Variants in C6 observed in about 807,000 individuals in gnomAD.
C6 encodes complement component C6.
A neutral mutation model predicts 112.9 loss-of-function variants in C6; 101 were observed. The ratio of observed to expected loss-of-function variants is 0.89; its 90% CI spans 0.76 to 1.06. The LOEUF (loss-of-function observed/expected upper bound fraction) is 1.06. Among genes scored for constraint, C6 ranks in the 50% least tolerant of loss-of-function variants. The probability of loss-of-function intolerance (pLI) is 0.00; values close to 1 mark genes in which losing one functional copy is unlikely to be tolerated. For synonymous variants in C6, 431 were observed against 384.1 expected, an observed-to-expected ratio of 1.12 and a Z score of -1.43; for missense variants, 1,202 against 1,104.6, an observed-to-expected ratio of 1.09 and a Z score of -1.25.
At chr5:41,223,961 A>G (rs1185271623) in intron 1 of C6, among the ~76,000 whole-genome samples, 2 of 152,138 alleles carry the variant, frequency 1.3e-5, no homozygotes, top group African/African-American at 2.4e-5. Flanking sequence ...ATAAAAGCAA[A>G]TTATGTTTAG....
chr5:41,238,730 A>G (rs1324441452), intron 1 of C6, among the ~76,000 whole-genome samples: 4 of 152,356 alleles, frequency 2.6e-5, no homozygotes, highest in African/African-American at 9.6e-5. Context: ...AAGTAGAATT[A>G]GAAAGATAAA....
intron 3 of C6, among the ~76,000 whole-genome samples, chr5:41,200,904 T>G (rs1287226815): frequency 2.6e-4 from 37 of 144,596 alleles, no homozygotes; most frequent in African/African-American, 8.6e-4. Context: ...TTTTTTTTTT[T>G]TTTTTTTTTT....
At chr5:41,180,698 A>C (rs1178600151) in intron 7 of C6, among the ~76,000 whole-genome samples, 1 of 152,126 alleles carries the variant, frequency 6.6e-6, no homozygotes, top group Non-Finnish European at 1.5e-5. Flanking sequence ...CAATTGAATA[A>C]CATCTACTAT....
intron 1 of C6, among the ~76,000 whole-genome samples, chr5:41,230,867 A>G (rs1739855667): frequency 6.6e-6 from 1 of 152,184 alleles, no homozygotes; most frequent in African/African-American, 2.4e-5. Flanking sequence ...TAGAGAAAAT[A>G]GAAAAGAACC....
chr5:41,182,407 A>G (rs1273821004), intron 6 of C6, among the ~76,000 whole-genome samples: 1 of 152,094 alleles, frequency 6.6e-6, no homozygotes, highest in Non-Finnish European at 1.5e-5. Context: ...ACATCTTAGT[A>G]TTGATATTGC....
chr5:41,159,457 G>A, intron 11 of C6: 1 of 985,050 alleles, frequency 1.0e-6, no homozygotes, highest in Non-Finnish European at 1.2e-6. Flanking sequence ...GTTCCCATAA[G>A]CCTAAATAAA....
chr5:41,233,713 GA>G (rs1425697302), intron 1 of C6, among the ~76,000 whole-genome samples: 2 of 151,906 alleles, frequency 1.3e-5, no homozygotes, highest in African/African-American at 4.8e-5. Flanking sequence ...TAAGAGCTGA[GA>G]ATAAAAAAGA....
chr5:41,195,386 C>T (rs1195609127), intron 5 of C6, among the ~76,000 whole-genome samples: 2 of 152,164 alleles, frequency 1.3e-5, no homozygotes, highest in African/African-American at 4.8e-5. Context: ...ATCACACCCT[C>T]TTTCTCCATT....
At chr5:41,234,353 T>TTTG (rs1740108716) in intron 1 of C6, among the ~76,000 whole-genome samples, 4 of 138,762 alleles carry the variant, frequency 2.9e-5, no homozygotes, top group African/African-American at 1.3e-4. Context: ...TTTTTTTGTT[T>TTTG]TTTGTTTTTT....
At position 41,181,365 on chromosome 5, in the gene C6, G is replaced by A; in HGVS notation, c.921C>T (p.His307=). The A allele has an allele frequency of 1.2e-6, 2 of 1,613,402 alleles. No individual in the cohort carries two copies. Among genetic ancestry groups the A allele is most frequent in the East Asian group, 2.2e-5 (1 of 44,792 alleles). Residue 307 remains histidine, a synonymous_variant, in exon 7 of 18, where the codon CAC becomes CAT. Coordinates refer to ENST00000337836, the MANE Select transcript of C6 (RefSeq NM_000065.5). ...TGGAAACCATTTTTGATACCTTTTT[G>A]TGAGAGGCTTGAATGGCTTGTTTGA... is the stretch of plus-strand genomic sequence containing the variant. The part of the protein sequence containing the change: ...SAFKQAIQAS[H]KKDSSFIRIH...
chr5:41,208,363 C>G (rs1177001806), intron 1 of C6, among the ~76,000 whole-genome samples: 2 of 152,116 alleles, frequency 1.3e-5, no homozygotes, highest in Non-Finnish European at 2.9e-5. Flanking sequence ...CAAGAAATAA[C>G]TAAGATCAGA....
intron 1 of C6, among the ~76,000 whole-genome samples, chr5:41,209,444 G>C (rs9800055): frequency 0.11 from 16,409 of 152,216 alleles, 867 homozygotes; most frequent in African/African-American, 0.14. Flanking sequence ...CCTGTTTGCA[G>C]ATGACATGAT....
Position 41,149,439 on chromosome 5 carries a change from C to A in C6, c.2425G>T (p.Asp809Tyr), listed in dbSNP as rs758843180. 3.1e-6 allele frequency: 5 copies of A among 1,613,912 alleles called. No homozygotes were observed. Among genetic ancestry groups the A allele is most frequent in the Non-Finnish European group, 4.2e-6 (5 of 1,179,972 alleles). Reference sequence around the variant, plus strand: ...TTACAAGCGGGTGAAGTAAAGTAATCGTTGGAGTCTGTGTCAAACACACAG... The same window carrying A: ...TTACAAGCGGGTGAAGTAAAGTAATAGTTGGAGTCTGTGTCAAACACACAG... ...DLCVFDTDSN[D>Y]YFTSPACKFL... Residue 809 changes from aspartate (D) to tyrosine (Y), a missense_variant, in exon 17 of 18, where the codon GAT (aspartate) becomes TAT (tyrosine). Physicochemically the swap from Asp to Tyr is radical, Grantham distance 160 (BLOSUM62 -3). Transcript: ENST00000337836.
At chr5:41,209,214 T>C (rs188681466) in intron 1 of C6, among the ~76,000 whole-genome samples, 43 of 152,224 alleles carry the variant, frequency 2.8e-4, no homozygotes, top group African/African-American at 9.4e-4. Context: ...ATTGATGGGA[T>C]GTATCTCAAA....
chr5:41,153,460 T>C, intron 15 of C6, among the ~76,000 whole-genome samples: 1 of 152,330 alleles, frequency 6.6e-6, no homozygotes, highest in Non-Finnish European at 1.5e-5. Context: ...TAATTTATTA[T>C]TATGATCAGG....
chr5:41,259,037 C>T (rs2962287), intron 1 of C6, among the ~76,000 whole-genome samples: 100,885 of 151,966 alleles, frequency 0.66, 33,738 homozygotes, highest in South Asian at 0.72. Context: ...GATCAACTAA[C>T]ATGTTTATGG....
Position 41,176,684 on chromosome 5 carries a change from A to G in C6, c.959T>C (p.Met320Thr). 2.5e-6 allele frequency: 4 copies of G among 1,612,510 alleles called. No homozygotes were observed. Among genetic ancestry groups the G allele is most frequent in the Non-Finnish European group, 3.4e-6 (4 of 1,178,872 alleles). ...DSSFIRIHKVMKVLNFTTKAK... is the reference protein window; with the variant it reads ...DSSFIRIHKVTKVLNFTTKAK... ...TTTCGTTGTGAAGTTTAAGACTTTC[A>G]TCACTTTATGGATCCTAATAAAACT... The change falls in exon 8 of 18, where the codon ATG (methionine) becomes ACG (threonine). Residue 320 changes from methionine (M) to threonine (T), a missense_variant. Met to Thr is a moderately conservative substitution (Grantham distance 81). Transcript: ENST00000337836.
At chr5:41,168,596 C>A (rs1243277309) in intron 9 of C6, among the ~76,000 whole-genome samples, 1 of 152,066 alleles carries the variant, frequency 6.6e-6, no homozygotes, top group African/African-American at 2.4e-5. Flanking sequence ...CTCCTTCTGA[C>A]TTCTTTTGTT....
At chr5:41,254,535 T>C (rs1250416208) in intron 1 of C6, among the ~76,000 whole-genome samples, 1 of 152,210 alleles carries the variant, frequency 6.6e-6, no homozygotes, top group Non-Finnish European at 1.5e-5. Flanking sequence ...TACTTATAGA[T>C]TATATCACCA....
Sources: gnomAD v4.1 joint callset for allele counts (sites outside exome capture counted in the v4.1 genomes callset) on GRCh38, gnomAD v4.1.1 for gene constraint, MANE v1.5 for transcripts, NCBI Gene and HGNC (gene_info 2026-07-23, HGNC 2026-07-21) for gene names.